The following CLCN3 variants were observed in gnomAD, a reference collection of about 807,000 sequenced individuals.
CLCN3 encodes H(+)/Cl(-) exchange transporter 3.
Under a neutral mutation model 83.4 loss-of-function variants are expected in CLCN3, and 16 were observed. The observed-to-expected ratio is 0.19, with a 90% CI of 0.13 to 0.29. CLCN3 has a LOEUF of 0.29. Among genes scored for constraint, CLCN3 ranks in the 10% least tolerant of loss-of-function variants. The pLI is 1.00. For missense variants in CLCN3, 544 were observed against 1,006.0 expected, an observed-to-expected ratio of 0.54 and a Z score of 6.21; for synonymous variants, 322 against 346.2, an observed-to-expected ratio of 0.93 and a Z score of 0.78.
At chr4:169,703,061 G>T (rs1357901631) in intron 9 of CLCN3, among the ~76,000 whole-genome samples, 1 of 152,142 alleles carries the variant, frequency 6.6e-6, no homozygotes, top group Non-Finnish European at 1.5e-5. Flanking sequence ...TCTTCTATGG[G>T]CATGGTTCAT....
chr4:169,716,328 C>A (rs1210147152), intron 12 of CLCN3, among the ~76,000 whole-genome samples: 12 of 152,084 alleles, frequency 7.9e-5, no homozygotes, highest in Admixed American at 7.9e-4. Context: ...ACATTTGTAA[C>A]CTTCCTCACA....
At chr4:169,643,337 T>G (rs2150207574) in intron 2 of CLCN3, among the ~76,000 whole-genome samples, 1 of 152,214 alleles carries the variant, frequency 6.6e-6, no homozygotes, top group South Asian at 2.1e-4. Flanking sequence ...TTCAAGCAAT[T>G]CTTCTGCTTC....
At chr4:169,692,509 G>A (rs1044857847) in intron 7 of CLCN3, among the ~76,000 whole-genome samples, 189 bp downstream of exon 7, 8 of 152,010 alleles carry the variant, frequency 5.3e-5, no homozygotes, top group South Asian at 4.1e-4. Flanking sequence ...TGCTCAGTTC[G>A]TCTTACATTT....
At chr4:169,677,910 C>T (rs941590684) in intron 2 of CLCN3, among the ~76,000 whole-genome samples, 8 of 152,128 alleles carry the variant, frequency 5.3e-5, no homozygotes, top group African/African-American at 1.9e-4. Context: ...CTTGAGCTAT[C>T]TTTTAATGTC....
At chr4:169,663,627 A>G (rs1313521854) in intron 2 of CLCN3, 2 of 431,190 alleles carry the variant, frequency 4.6e-6, no homozygotes, top group South Asian at 3.2e-5. Context: ...GGTGCGAGCC[A>G]CTGTGCCTGG....
intron 2 of CLCN3, chr4:169,660,427 C>A (rs1193012676): frequency 7.2e-7 from 1 of 1,384,906 alleles, no homozygotes; most frequent in South Asian, 1.8e-5. Flanking sequence ...CAGTATTCCC[C>A]TGAGGGAATT....
intron 2 of CLCN3, among the ~76,000 whole-genome samples, chr4:169,642,124 G>A (rs1176241481): frequency 6.6e-6 from 1 of 151,670 alleles, no homozygotes; most frequent in Admixed American, 6.6e-5. Flanking sequence ...TGTAGAGATG[G>A]GATCTCACTA....
Position 169,668,043 on chromosome 4 carries a change from ATTTTTTT to A in CLCN3, c.161-11990_161-11984del, listed in dbSNP as rs60739106. Among the ~76,000 whole-genome samples, 74 of 82,340 alleles carry A rather than the reference ATTTTTTT, an allele frequency of 9.0e-4. 1 individual carries two copies. The highest frequency in any genetic ancestry group is 4.9e-3 in the Admixed American group (38 of 7,782). The allele number at this position is 82,340 out of a possible 152,430, so 54.0% of individuals were successfully genotyped here. A position where few individuals can be genotyped will look rare whatever the true frequency, so the allele number is the denominator to read the frequency against. On this transcript the variant is annotated intron_variant, in intron 2 of 12. Coordinates refer to ENST00000513761, the MANE Select transcript of CLCN3 (RefSeq NM_001829.4). Reference sequence around the variant, plus strand: ...TGTGAGCCACCGCGCCCGGCCAGACATTTTTTTTTTTTTTTTTTTTTTTGCTGTCTTT... The same window carrying A: ...TGTGAGCCACCGCGCCCGGCCAGACATTTTTTTTTTTTTTTTGCTGTCTTT...
chr4:169,646,604 T>G lies in CLCN3; in HGVS notation c.160+10516T>G, dbSNP rs1730581531. ...AGCCACAGCACTCAGACCTTTTAAA[T>G]TATCGAACTAATACAGTTATATAAA... On this transcript the variant is annotated intron_variant, in intron 2 of 12. Coordinates refer to ENST00000513761, the MANE Select transcript of CLCN3 (RefSeq NM_001829.4). Among the ~76,000 whole-genome samples the G allele has an allele frequency of 2.0e-5, 3 of 152,300 alleles. No individual in the cohort carries two copies. In the South Asian group the frequency reaches 6.2e-4, roughly 32 times the overall value.
chr4:169,693,973 T>C (rs1560863145), intron 7 of CLCN3, among the ~76,000 whole-genome samples: 1 of 152,184 alleles, frequency 6.6e-6, no homozygotes, highest in East Asian at 1.9e-4. Context: ...TTAAATTAAA[T>C]GCTTCTTAGA....
intron 2 of CLCN3, among the ~76,000 whole-genome samples, chr4:169,659,791 T>A (rs578248198): frequency 2.0e-5 from 3 of 152,286 alleles, no homozygotes; most frequent in African/African-American, 7.2e-5. Flanking sequence ...GTAGTTTTTT[T>A]ATGGCTATGA....
intron 11 of CLCN3, 57 bp downstream of exon 11, chr4:169,707,323 A>G (rs1566522): frequency 0.5 from 678,670 of 1,350,628 alleles, 175,837 homozygotes; most frequent in East Asian, 0.78. Context: ...GAAGAAAGGA[A>G]AGCAATAAGC....
At chr4:169,657,328 C>G (rs1730916629) in intron 2 of CLCN3, among the ~76,000 whole-genome samples, 1 of 152,084 alleles carries the variant, frequency 6.6e-6, no homozygotes, top group Admixed American at 6.6e-5. Flanking sequence ...TTCCCTCTCT[C>G]CCTTTTTCCT....
At chr4:169,658,188 C>A (rs1157618296) in intron 2 of CLCN3, among the ~76,000 whole-genome samples, 1 of 151,748 alleles carries the variant, frequency 6.6e-6, no homozygotes, top group Non-Finnish European at 1.5e-5. Flanking sequence ...TTGCTAAGGG[C>A]TTGATGTGTT....
intron 4 of CLCN3, 62 bp from the exon 5 acceptor site, chr4:169,688,981 A>G: frequency 6.9e-7 from 1 of 1,458,190 alleles, no homozygotes; most frequent in Non-Finnish European, 9.5e-7. Flanking sequence ...TTTTAACTAG[A>G]TTGTTCTCGA....
chr4:169,669,920 G>A (rs995890974), intron 2 of CLCN3, among the ~76,000 whole-genome samples: 11 of 152,094 alleles, frequency 7.2e-5, no homozygotes, highest in African/African-American at 2.7e-4. Flanking sequence ...TCCTTTTTAT[G>A]AACAGAGAAG....
At chr4:169,647,925 A>G (rs1435625852) in intron 2 of CLCN3, among the ~76,000 whole-genome samples, 1 of 152,186 alleles carries the variant, frequency 6.6e-6, no homozygotes, top group African/African-American at 2.4e-5. Flanking sequence ...GATATCATGT[A>G]CTCTTGATAT....
chr4:169,667,920 T>A (rs532541814), intron 2 of CLCN3, among the ~76,000 whole-genome samples: 42 of 151,704 alleles, frequency 2.8e-4, no homozygotes, highest in Non-Finnish European at 5.2e-4. Flanking sequence ...TGATTTTTTT[T>A]AGTAGAGATG....
chr4:169,637,186 G>A (rs1408192723), intron 2 of CLCN3, among the ~76,000 whole-genome samples: 2 of 152,000 alleles, frequency 1.3e-5, no homozygotes, highest in Non-Finnish European at 2.9e-5. Flanking sequence ...CACCTATTCA[G>A]TCCTTTTCCC....
Sources: allele counts gnomAD v4.1 joint callset (sites outside exome capture counted in the v4.1 genomes callset), GRCh38; gene constraint gnomAD v4.1.1; transcripts MANE v1.5; gene names NCBI Gene and HGNC (gene_info 2026-07-23, HGNC 2026-07-21).